CDCA2: variants seen among roughly 807,000 people sequenced by gnomAD.
The protein encoded by CDCA2 is cell division cycle-associated protein 2.
In CDCA2, 44 loss-of-function variants were observed where a neutral mutation model predicts 67.0. The observed-to-expected ratio is 0.66, with a 90% CI of 0.52 to 0.84. The LOEUF is 0.84. Ranked by LOEUF, CDCA2 falls within the 40% of genes least tolerant of loss-of-function variation. The pLI, the probability that CDCA2 is intolerant of heterozygous loss-of-function variation, is 0.00. For missense variants in CDCA2, 1,253 were observed against 1,203.2 expected (o/e 1.04, Z -0.61); for synonymous variants, 447 against 418.7 (o/e 1.07, Z -0.82).
chr8:25,503,458 A>C lies in CDCA2; in HGVS notation c.1757A>C (p.Lys586Thr), dbSNP rs1303963358. ...SLYGERDIAS[K>T]KPLLSPIPEL... The stretch of plus-strand genomic sequence containing the variant: ...TATGGGGAAAGAGACATTGCTTCTA[A>C]GAAGCCCCTCCTCAGTCCTATTCCC... Residue 586 changes from lysine (K) to threonine (T), a missense_variant, in exon 14 of 15, where the codon AAG becomes ACG. Transcript: ENST00000330560. 6.2e-7 allele frequency: 1 copy of C among 1,614,042 alleles called. No individual in the cohort carries two copies. The highest frequency in any genetic ancestry group is 2.2e-5 in the East Asian group (1 of 44,884).
chr8:25,480,371 A>G (rs945607048), intron 8 of CDCA2, among the ~76,000 whole-genome samples: 5 of 152,118 alleles, frequency 3.3e-5, no homozygotes, highest in Non-Finnish European at 7.4e-5. Flanking sequence ...GTAGTTTATA[A>G]AGGGTCATAA....
chr8:25,478,888 G>GTGTATATATATA (rs1006353040), intron 7 of CDCA2, among the ~76,000 whole-genome samples: 94 of 111,590 alleles, frequency 8.4e-4, no homozygotes, highest in African/African-American at 3.2e-3. Context: ...TTGTGTGTGT[G>GTGTATATATATA]TATATATATA....
At chr8:25,479,425 C>T (rs1037213386) in intron 7 of CDCA2, among the ~76,000 whole-genome samples, 5 of 152,192 alleles carry the variant, frequency 3.3e-5, no homozygotes, top group African/African-American at 9.7e-5. Context: ...AGAAAAGCCA[C>T]GCCTGTTTGG....
chr8:25,470,394 T>C (rs1803104331), intron 7 of CDCA2, among the ~76,000 whole-genome samples: 1 of 152,208 alleles, frequency 6.6e-6, no homozygotes, highest in African/African-American at 2.4e-5. Context: ...TGACTTTTTT[T>C]CTACTTGGGT....
At chr8:25,495,932 G>T (rs576274062) in intron 13 of CDCA2, among the ~76,000 whole-genome samples, 1 of 152,132 alleles carries the variant, frequency 6.6e-6, no homozygotes, top group Non-Finnish European at 1.5e-5. Context: ...GGAAATAAGA[G>T]TAGAAACTCA....
Position 25,468,279 on chromosome 8 carries a change from C to T in CDCA2, c.601C>T (p.Arg201Cys), listed in dbSNP as rs958566460. 16 of 1,612,742 alleles carry T rather than the reference C, an allele frequency of 9.9e-6. No individual in the cohort carries two copies. The East Asian group carries it at 1.6e-4, about 16-fold the overall frequency. ...SGFPAVLSSK[R>C]RRISYQRDSD... ...GTTCCCTGCAGTGTTGTCCTCCAAACGTCGGAGAATATCCTATCAGAGAGA... is the reference window on the plus strand; with the variant it reads ...GTTCCCTGCAGTGTTGTCCTCCAAATGTCGGAGAATATCCTATCAGAGAGA... Residue 201 changes from arginine to cysteine, a missense_variant, in exon 6 of 15, where the codon CGT becomes TGT. Arg to Cys is a radical substitution (Grantham distance 180, BLOSUM62 -3). Transcript: ENST00000330560.
chr8:25,502,637 G>A (rs1804523304), intron 13 of CDCA2, among the ~76,000 whole-genome samples: 1 of 152,010 alleles, frequency 6.6e-6, no homozygotes, highest in Admixed American at 6.6e-5. Flanking sequence ...ATCCGGACCT[G>A]GGAGCATAAA....
At chr8:25,461,266 T>G (rs1446747252) in intron 3 of CDCA2, among the ~76,000 whole-genome samples, 1 of 40,110 alleles carries the variant, frequency 2.5e-5, no homozygotes, top group Admixed American at 3.2e-4. Context: ...AAACTCTGTC[T>G]CCAAAAAAAA....
rs553931064 is a variant in CDCA2, at chr8:25,460,659, A to G, written c.232+105A>G. ...ACGTACTGTCATATTTTAGGTACCT[A>G]AATTGCCTACTCTGCAAACTTGCTT... On this transcript the variant is annotated intron_variant, in intron 3 of 14. Coordinates refer to ENST00000330560, the MANE Select transcript of CDCA2 (RefSeq NM_152562.4). The G allele has an allele frequency of 8.3e-6, 10 of 1,203,266 alleles. No individual in the cohort carries two copies. In the South Asian group the frequency reaches 1.2e-4, roughly 15 times the overall value. 74.5% of individuals were successfully genotyped at this position (1,203,266 alleles called of 1,614,324 possible).
At chr8:25,465,192 T>C (rs1802852346) in intron 4 of CDCA2, among the ~76,000 whole-genome samples, 1 of 152,204 alleles carries the variant, frequency 6.6e-6, no homozygotes, top group Admixed American at 6.5e-5. Flanking sequence ...CAGGCTGGTC[T>C]CAAACTCCTG....
chr8:25,459,708 G>A (rs574922172), intron 1 of CDCA2, among the ~76,000 whole-genome samples: 43 of 152,268 alleles, frequency 2.8e-4, no homozygotes, highest in African/African-American at 9.6e-4. Context: ...CTTATCCTTT[G>A]GGGTCTGCTT....
At chr8:25,481,179 G>A (rs1031580970) in intron 8 of CDCA2, among the ~76,000 whole-genome samples, 43 of 145,754 alleles carry the variant, frequency 3.0e-4, no homozygotes, top group Non-Finnish European at 4.3e-4. Context: ...CCTGACTTTG[G>A]AAGGCCAACA....
chr8:25,473,614 C>T (rs1277518055), intron 7 of CDCA2, among the ~76,000 whole-genome samples: 8 of 152,178 alleles, frequency 5.3e-5, no homozygotes, highest in Non-Finnish European at 1.0e-4. Flanking sequence ...CATTAGTAGT[C>T]TTGGGACCAT....
intron 5 of CDCA2, 146 bp downstream of exon 5, chr8:25,466,471 T>G: frequency 1.4e-6 from 1 of 729,350 alleles, no homozygotes; most frequent in Non-Finnish European, 2.0e-6. Context: ...TTGGGACATT[T>G]CACACAAAAA....
intron 4 of CDCA2, 43 bp from the exon 5 acceptor site, chr8:25,466,132 T>A (rs1802890589): frequency 6.5e-7 from 1 of 1,550,022 alleles, no homozygotes; most frequent in African/African-American, 1.4e-5. Context: ...ATAGAAAGTA[T>A]GAATTGATTA....
chr8:25,490,128 T>C (rs974807187), intron 13 of CDCA2, among the ~76,000 whole-genome samples: 6 of 152,192 alleles, frequency 3.9e-5, no homozygotes, highest in African/African-American at 1.4e-4. Context: ...TGATGAAAGA[T>C]TATCTTGCTG....
At chr8:25,503,313 T>C (rs969187828) in intron 13 of CDCA2, 60 bp from the exon 14 acceptor site, 43 of 1,340,020 alleles carry the variant, frequency 3.2e-5, no homozygotes, top group Admixed American at 1.6e-4. Flanking sequence ...AGTTAAAGGG[T>C]CAAAATTTTA....
In CDCA2 at chr8:25,460,573, C is replaced by T; in HGVS notation, c.232+19C>T. 2 of 1,603,280 alleles carry T rather than the reference C, an allele frequency of 1.2e-6. No homozygotes were observed. Among genetic ancestry groups the T allele is most frequent in the Middle Eastern group, 1.7e-4 (1 of 5,986 alleles). Reference sequence around the variant, plus strand: ...TCTGCAGGTAAGAAAAGTTGTCATTCTGTTGTAATGCTTTTCAAGTTTAAA... The same window carrying T: ...TCTGCAGGTAAGAAAAGTTGTCATTTTGTTGTAATGCTTTTCAAGTTTAAA... On this transcript the variant is annotated intron_variant, in intron 3 of 14. Transcript: ENST00000330560.
chr8:25,480,204 T>G lies in CDCA2; in HGVS notation c.1032+80T>G, dbSNP rs144625648. ...AAAGTAATACCCTTGAAATGTCATA[T>G]ATCATGCTAGTTTAAAAGGAAATGT... On this transcript the variant is annotated intron_variant, in intron 8 of 14. Transcript: ENST00000330560. The G allele has an allele frequency of 2.8e-3, 3,214 of 1,138,524 alleles. 41 individuals carry two copies. The highest frequency in any genetic ancestry group is 0.024 in the South Asian group (1,595 of 67,092). 70.5% of individuals were successfully genotyped at this position (1,138,524 alleles called of 1,614,324 possible). A position where few individuals can be genotyped will look rare whatever the true frequency, so the allele number is the denominator to read the frequency against.
Sources: gnomAD v4.1 joint callset for allele counts (sites outside exome capture counted in the v4.1 genomes callset) on GRCh38, gnomAD v4.1.1 for gene constraint, MANE v1.5 for transcripts, NCBI Gene and HGNC (gene_info 2026-07-23, HGNC 2026-07-21) for gene names.